The following CEP295 variants were observed in gnomAD, a reference collection of about 807,000 sequenced individuals.
CEP295 encodes centrosomal protein 295.
Under a neutral mutation model 291.6 loss-of-function variants are expected in CEP295, and 190 were observed. The observed-to-expected ratio is 0.65, with a 90% CI of 0.58 to 0.73. CEP295 has a LOEUF of 0.73. CEP295 is among the 30% of genes least tolerant of loss of function. CEP295 has a pLI of 0.00. For missense variants in CEP295, 2,863 were observed against 2,949.4 expected (o/e 0.97, Z 0.68); for synonymous variants, 993 against 1,038.8 (o/e 0.96, Z 0.85).
rs3802772 is a variant in CEP295 at position 93,699,199 on chromosome 11, C to T, written c.4287C>T (p.Ser1429=). 197 of 1,551,848 alleles carry T rather than the reference C, an allele frequency of 1.3e-4. 2 individuals are homozygous for T. The East Asian group carries it at 4.7e-3, about 37-fold the overall frequency. ...CAATTAACAGTGATAATATAGTATCCTCAGGTCACTCAGAGATACCAACAT... is the reference window on the plus strand; with the variant it reads ...CAATTAACAGTGATAATATAGTATCTTCAGGTCACTCAGAGATACCAACAT... ...PCSINSDNIV[S]SGHSEIPTLP... The change falls in exon 15 of 30, where the codon TCC becomes TCT. Residue 1429 remains serine, a synonymous_variant. Coordinates refer to ENST00000325212, the MANE Select transcript of CEP295 (RefSeq NM_033395.2).
chr11:93,723,381 C>T, intron 21 of CEP295, 92 bp downstream of exon 21: 1 of 931,614 alleles, frequency 1.1e-6, no homozygotes, highest in Non-Finnish European at 1.6e-6. Context: ...ATTGTTTGAG[C>T]TTCATGTTCT....
intron 10 of CEP295, among the ~76,000 whole-genome samples, chr11:93,691,458 C>T (rs1214078426): frequency 2.0e-5 from 3 of 152,168 alleles, no homozygotes; most frequent in Non-Finnish European, 4.4e-5. Context: ...TCTATTAAAT[C>T]AGTTCTTCAC....
Position 93,703,870 on chromosome 11 carries a change from G to A in CEP295, c.5596+951G>A, listed in dbSNP as rs369641332. On this transcript the variant is annotated intron_variant, in intron 17 of 29. Transcript: ENST00000325212. ...TGCAAGCTCCGCCTCCCAGGTTCACGCCATTCTCCTGCCTCAGCCTCCCGA... is the reference window on the plus strand; with the variant it reads ...TGCAAGCTCCGCCTCCCAGGTTCACACCATTCTCCTGCCTCAGCCTCCCGA... 8.7e-5 allele frequency among the ~76,000 whole-genome samples: 13 copies of A among 148,872 alleles called. No homozygotes were observed. In the East Asian group the frequency reaches 2.0e-3, roughly 23 times the overall value.
Position 93,697,499 on chromosome 11 carries a change from G to A in CEP295, c.2587G>A (p.Ala863Thr). Reference sequence around the variant, plus strand: ...AGACCTACAGAAGAAAGTTCTTCAGGCAACTCAGGAAGCTCAGGAACAGTT... The same window carrying A: ...AGACCTACAGAAGAAAGTTCTTCAGACAACTCAGGAAGCTCAGGAACAGTT... ...QLDLQKKVLQ[A>T]TQEAQEQLLL... Residue 863 changes from alanine (A) to threonine (T), a missense_variant, in exon 15 of 30, where the codon GCA becomes ACA. Physicochemically the swap from Ala to Thr is moderately conservative, Grantham distance 58. Transcript: ENST00000325212. 1 of 1,551,888 alleles carries A rather than the reference G, an allele frequency of 6.4e-7. No individual in the cohort carries two copies.
At chr11:93,726,311 T>G (rs1390902432) in intron 23 of CEP295, among the ~76,000 whole-genome samples, 1 of 152,214 alleles carries the variant, frequency 6.6e-6, no homozygotes. Flanking sequence ...ATTTTCTATT[T>G]TTAGTATAGA....
intron 15 of CEP295, among the ~76,000 whole-genome samples, chr11:93,701,670 C>G (rs1257425806): frequency 1.3e-5 from 2 of 152,118 alleles, no homozygotes; most frequent in African/African-American, 4.8e-5. Context: ...GTGACGTCAT[C>G]TTGGCTCACT....
At chr11:93,720,489 A>AG (rs756497662) in intron 18 of CEP295, among the ~76,000 whole-genome samples, 1 of 121,322 alleles carries the variant, frequency 8.2e-6, no homozygotes, top group Non-Finnish European at 1.7e-5. Context: ...AAAAAAAAAA[A>AG]ACTGTCTCTA....
At chr11:93,707,867 T>C (rs535230242) in intron 18 of CEP295, among the ~76,000 whole-genome samples, 2 of 152,308 alleles carry the variant, frequency 1.3e-5, no homozygotes, top group East Asian at 3.9e-4. Flanking sequence ...CTTGTATCTA[T>C]AGTTGAGTGG....
chr11:93,683,856 G>GC (rs916616547), intron 8 of CEP295, 108 bp from the exon 9 acceptor site: 4 of 1,411,266 alleles, frequency 2.8e-6, no homozygotes, highest in Non-Finnish European at 2.9e-6. Context: ...TTTGAAGGAG[G>GC]CCCCCCATAT....
rs953074699 is a variant in CEP295, at chr11:93,667,631, G to A, written c.133G>A (p.Ala45Thr). The change falls in exon 3 of 30, where the codon GCC (alanine) becomes ACC (threonine). Residue 45 changes from alanine (A) to threonine (T), a missense_variant. Ala to Thr is a moderately conservative substitution (Grantham distance 58, BLOSUM62 0). This residue lies in a region of CEP295 where 554 missense variants were observed against 576.0 expected (regional missense o/e 0.96). Coordinates refer to ENST00000325212, the MANE Select transcript of CEP295 (RefSeq NM_033395.2). ...GGTTCGAGAACAAGAAAGAGATATC[G>A]CCTTACAGATAAGAGAAGACATAAA... is the stretch of plus-strand genomic sequence containing the variant. ...LQVREQERDI[A>T]LQIREDIKQR... 1.3e-5 allele frequency: 20 copies of A among 1,549,866 alleles called. No homozygotes were observed. Among genetic ancestry groups the A allele is most frequent in the Non-Finnish European group, 1.7e-5 (20 of 1,146,282 alleles).
rs76887168 is a variant in CEP295 at position 93,727,728 on chromosome 11, A to G, written c.7161+91A>G. The G allele has an allele frequency of 1.1e-3, 1,193 of 1,039,928 alleles. 12 individuals carry two copies. The African/African-American group carries it at 0.017, about 15-fold the overall frequency. 64.4% of individuals were successfully genotyped at this position (1,039,928 alleles called of 1,614,324 possible). A position where few individuals can be genotyped will look rare whatever the true frequency, so the allele number is the denominator to read the frequency against. ...TAAAATTAGAGATGAAGTTCCCACT[A>G]TGCTACCCAGGCTGAACTCAAACTC... On this transcript the variant is annotated intron_variant, in intron 24 of 29. Transcript: ENST00000325212.
At chr11:93,683,885 C>T (rs1382641194) in intron 8 of CEP295, 79 bp from the exon 9 acceptor site, 11 of 1,472,600 alleles carry the variant, frequency 7.5e-6, no homozygotes, top group South Asian at 2.6e-5. Flanking sequence ...GAGACATTAC[C>T]GTGGCCTTTG....
At chr11:93,679,771 A>G (rs1183050106) in intron 7 of CEP295, among the ~76,000 whole-genome samples, 1 of 152,234 alleles carries the variant, frequency 6.6e-6, no homozygotes, top group Non-Finnish European at 1.5e-5. Flanking sequence ...TAAAAATTTT[A>G]CTAATGAATT....
chr11:93,670,344 T>A (rs1447338825), intron 5 of CEP295, among the ~76,000 whole-genome samples: 1 of 151,966 alleles, frequency 6.6e-6, no homozygotes, highest in Non-Finnish European at 1.5e-5. Context: ...AATAAGGATC[T>A]ATTTTTTATG....
intron 1 of CEP295, among the ~76,000 whole-genome samples, chr11:93,663,539 T>C (rs11605186): frequency 1.4e-3 from 219 of 152,354 alleles, no homozygotes; most frequent in Non-Finnish European, 2.3e-3. Flanking sequence ...AATTGAATAC[T>C]GCCTGTAGAT....
intron 18 of CEP295, among the ~76,000 whole-genome samples, chr11:93,713,451 A>T (rs936232143): frequency 2.0e-5 from 3 of 152,024 alleles, no homozygotes; most frequent in African/African-American, 7.2e-5. Context: ...TTTGAAGGAT[A>T]TTTTTGCCAG....
At chr11:93,705,581 C>CT (rs1443075285) in intron 17 of CEP295, among the ~76,000 whole-genome samples, 1 of 151,948 alleles carries the variant, frequency 6.6e-6, no homozygotes. Context: ...TGATTATTTT[C>CT]TTTTTTTATA....
Position 93,702,431 on chromosome 11 carries a change from C to T in CEP295, c.5275-29C>T, listed in dbSNP as rs910713661. 3.4e-6 allele frequency: 5 copies of T among 1,462,542 alleles called. No homozygotes were observed. The African/African-American group carries it at 4.3e-5, about 13-fold the overall frequency. The allele number at this position is 1,462,542 out of a possible 1,614,324, so 90.6% of individuals were successfully genotyped here. On this transcript the variant is annotated intron_variant, in intron 15 of 29. Transcript: ENST00000325212. ...GCTTCACATGATCCCCCAACTTGTGCTTCCCCACCCTCATCTCCACTTTTT... is the reference window on the plus strand; with the variant it reads ...GCTTCACATGATCCCCCAACTTGTGTTTCCCCACCCTCATCTCCACTTTTT...
chr11:93,698,947 G>A lies in CEP295; in HGVS notation c.4035G>A (p.Gln1345=). ...TTTTGAGGATATCGCAACTTATCCA[G>A]CCTCAACAAGATAATTTGAAGGCAC... ...DRLLRISQLI[Q]PQQDNLKALQ... Residue 1345 remains glutamine, a synonymous_variant, in exon 15 of 30, where the codon CAG becomes CAA. Coordinates refer to ENST00000325212, the MANE Select transcript of CEP295 (RefSeq NM_033395.2). 6.4e-7 allele frequency: 1 copy of A among 1,551,340 alleles called. No individual in the cohort carries two copies.
Sources: gnomAD v4.1 joint callset for allele counts (sites outside exome capture counted in the v4.1 genomes callset) on GRCh38, gnomAD v4.1.1 for gene constraint, gnomAD v4.1.1 regional missense constraint, MANE v1.5 for transcripts, NCBI Gene and HGNC (gene_info 2026-07-23, HGNC 2026-07-21) for gene names.